Variants in VPS41 observed in about 807,000 individuals in gnomAD.
VPS41 encodes the protein vacuolar protein sorting-associated protein 41 homolog.
VPS41 carries 85 observed loss-of-function variants against 130.9 expected under a neutral mutation model. The observed-to-expected ratio is 0.65, with a 90% CI of 0.55 to 0.78. The LOEUF is 0.78. VPS41 is among the 30% of genes least tolerant of loss of function. The pLI is 0.00. For synonymous variants in VPS41, 335 were observed against 332.9 expected (o/e 1.01, Z -0.07); for missense variants, 874 against 1,018.7 (o/e 0.86, Z 1.93).
rs1051806553 is a variant in VPS41, at chr7:38,728,303, C to G, written c.2404+239G>C. 4 of 669,082 alleles carry G rather than the reference C, an allele frequency of 6.0e-6. No homozygotes were observed. In the Admixed American group the frequency reaches 8.9e-5, roughly 15 times the overall value. 41.4% of individuals were successfully genotyped at this position (669,082 alleles called of 1,614,324 possible). Reference sequence around the variant, plus strand: ...TAGGGAGTCTGACTGGGTCAGCGATCTGGGTTCCAATAAGCCTGCCAGGTG... The same window carrying G: ...TAGGGAGTCTGACTGGGTCAGCGATGTGGGTTCCAATAAGCCTGCCAGGTG... On this transcript the variant is annotated intron_variant, in intron 27 of 28. Transcript: ENST00000310301.
intron 4 of VPS41, among the ~76,000 whole-genome samples, chr7:38,835,416 CA>C (rs1445906561): frequency 6.6e-6 from 1 of 151,762 alleles, no homozygotes; most frequent in African/African-American, 2.4e-5. Flanking sequence ...AACCAAAGGA[CA>C]AAAGTTAATG....
In VPS41 at chr7:38,771,194, T is replaced by C. The variant is rs1207497501; in HGVS notation, c.1185+4A>G. 1 of 1,588,112 alleles carries C rather than the reference T, an allele frequency of 6.3e-7. No individual in the cohort carries two copies. ...ATGTTTCAAATAACAAATTGCACAC[T>C]TACCAGAATCTTATGTCTTTTAATA... On this transcript the variant is annotated splice_donor_region_variant and intron_variant, in intron 14 of 28. Coordinates refer to ENST00000310301, the MANE Select transcript of VPS41 (RefSeq NM_014396.4).
At chr7:38,893,692 T>C (rs904308277) in intron 2 of VPS41, among the ~76,000 whole-genome samples, 1 of 152,250 alleles carries the variant, frequency 6.6e-6, no homozygotes, top group Non-Finnish European at 1.5e-5. Flanking sequence ...CCCTTAACTA[T>C]GTAGCCTATT....
chr7:38,876,758 A>G (rs1786501186), intron 2 of VPS41, among the ~76,000 whole-genome samples: 1 of 152,158 alleles, frequency 6.6e-6, no homozygotes, highest in Admixed American at 6.5e-5. Flanking sequence ...CAAGATATGC[A>G]GTCTTCATAA....
In VPS41 at chr7:38,796,613, C is replaced by T. The variant is rs1784625340; in HGVS notation, c.570+132G>A. On this transcript the variant is annotated intron_variant, in intron 8 of 28. Coordinates refer to ENST00000310301, the MANE Select transcript of VPS41 (RefSeq NM_014396.4). ...TTTCTTTAACCTCCTAGGTATGATA[C>T]CAATCGTCCTTACACCCTTTAGAAA... The T allele has an allele frequency of 3.0e-6, 4 of 1,340,190 alleles. No individual in the cohort carries two copies. In the African/African-American group the frequency reaches 4.3e-5, roughly 14 times the overall value. 83.0% of individuals were successfully genotyped at this position (1,340,190 alleles called of 1,614,324 possible).
At chr7:38,846,145 T>A (rs1329865336) in intron 4 of VPS41, among the ~76,000 whole-genome samples, 1 of 152,214 alleles carries the variant, frequency 6.6e-6, no homozygotes, top group African/African-American at 2.4e-5. Flanking sequence ...AAAGAGAATT[T>A]AAAAAAAATG....
intron 4 of VPS41, among the ~76,000 whole-genome samples, chr7:38,856,692 G>A (rs1236492243): frequency 6.6e-6 from 1 of 152,112 alleles, no homozygotes; most frequent in African/African-American, 2.4e-5. Flanking sequence ...ATGTGAGGCT[G>A]GTACTGACAC....
At chr7:38,782,912 T>G (rs1229872031) in intron 10 of VPS41, among the ~76,000 whole-genome samples, 1 of 151,396 alleles carries the variant, frequency 6.6e-6, no homozygotes, top group Admixed American at 6.6e-5. Context: ...AGGTCAGGAG[T>G]TCGAGACCAG....
At chr7:38,830,178 T>C (rs1474256093) in intron 5 of VPS41, 76 bp downstream of exon 5, 4 of 884,184 alleles carry the variant, frequency 4.5e-6, no homozygotes, top group East Asian at 2.4e-5. Context: ...TGCAGTTATA[T>C]AGTAAGCAAG....
At chr7:38,849,765 G>A (rs561677163) in intron 4 of VPS41, among the ~76,000 whole-genome samples, 1 of 152,234 alleles carries the variant, frequency 6.6e-6, no homozygotes, top group South Asian at 2.1e-4. Flanking sequence ...ATAGGCACAG[G>A]ATGGGGTGTG....
intron 5 of VPS41, among the ~76,000 whole-genome samples, chr7:38,829,129 T>C (rs145994972): frequency 6.6e-6 from 1 of 152,328 alleles, no homozygotes; most frequent in African/African-American, 2.4e-5. Flanking sequence ...AACTCCTCCT[T>C]CATCTCTCTC....
intron 15 of VPS41, among the ~76,000 whole-genome samples, chr7:38,766,982 T>C (rs974353304): frequency 2.0e-5 from 3 of 152,166 alleles, no homozygotes; most frequent in African/African-American, 4.8e-5. Context: ...CTAGAAAAGA[T>C]TCAGATACCC....
chr7:38,837,425 T>C (rs1477168705), intron 4 of VPS41, among the ~76,000 whole-genome samples: 1 of 152,230 alleles, frequency 6.6e-6, no homozygotes, highest in African/African-American at 2.4e-5. Flanking sequence ...CACACATCTA[T>C]ACCAGGAGGG....
chr7:38,765,086 A>C (rs1784010316), intron 16 of VPS41, among the ~76,000 whole-genome samples: 1 of 152,216 alleles, frequency 6.6e-6, no homozygotes, highest in African/African-American at 2.4e-5. Flanking sequence ...TTTAAAACAA[A>C]TATAGGAATA....
At chr7:38,799,380 G>A (rs1191405678) in intron 7 of VPS41, among the ~76,000 whole-genome samples, 1 of 152,104 alleles carries the variant, frequency 6.6e-6, no homozygotes, top group Non-Finnish European at 1.5e-5. Context: ...TTGGGTAAAA[G>A]AGGAATTCAT....
rs527948370 is a variant in VPS41 at position 38,763,368 on chromosome 7, C to G, written c.1422+87G>C. ...GCAAACTACAAATCTGTTTCCTTTA[C>G]AGGCATTGCTCCATTGTATTCCTTT... On this transcript the variant is annotated intron_variant, in intron 17 of 28. Transcript: ENST00000310301. The G allele has an allele frequency of 1.1e-5, 9 of 847,292 alleles. No homozygotes were observed. The Admixed American group carries it at 1.5e-4, about 14-fold the overall frequency. 52.5% of individuals were successfully genotyped at this position (847,292 alleles called of 1,614,324 possible).
chr7:38,760,748 C>G (rs558018333), intron 17 of VPS41, among the ~76,000 whole-genome samples: 3 of 151,924 alleles, frequency 2.0e-5, no homozygotes, highest in African/African-American at 4.8e-5. Context: ...GTCTCAGTCA[C>G]TTTTTGGTTT....
rs17680582 is a variant in VPS41 at position 38,845,888 on chromosome 7, C to T, written c.247-15560G>A. 9.7e-3 allele frequency among the ~76,000 whole-genome samples: 1,482 copies of T among 152,278 alleles called. 17 individuals carry two copies. The highest frequency in any genetic ancestry group is 0.014 in the Non-Finnish European group (943 of 68,014). ...TATATAAGTAATCTGAAATGAAAGA[C>T]AACTAAATTTTCAAAATGGTGACAC... On this transcript the variant is annotated intron_variant, in intron 4 of 28. Coordinates refer to ENST00000310301, the MANE Select transcript of VPS41 (RefSeq NM_014396.4).
chr7:38,830,721 T>A (rs532413388), intron 4 of VPS41, among the ~76,000 whole-genome samples: 6 of 152,170 alleles, frequency 3.9e-5, no homozygotes, highest in African/African-American at 1.2e-4. Context: ...CATTTTGACA[T>A]GGAGGATGAG....
Sources: allele counts gnomAD v4.1 joint callset (sites outside exome capture counted in the v4.1 genomes callset), GRCh38; gene constraint gnomAD v4.1.1; transcripts MANE v1.5; gene names NCBI Gene and HGNC (gene_info 2026-07-23, HGNC 2026-07-21).